Variants in PALMD observed in about 807,000 individuals in gnomAD.
PALMD encodes the protein paralemmin-like protein.
PALMD carries 42 observed loss-of-function variants against 56.2 expected under a neutral mutation model. The ratio of observed to expected loss-of-function variants is 0.75; its 90% CI spans 0.58 to 0.97. The LOEUF is 0.97. PALMD is among the 50% of genes least tolerant of loss of function. The pLI is 0.00. For synonymous variants in PALMD, 242 were observed against 222.9 expected (o/e 1.09, Z -0.76); for missense variants, 660 against 643.8 (o/e 1.03, Z -0.27).
At chr1:99,692,931 C>T (rs1653693732) in intron 7 of PALMD, among the ~76,000 whole-genome samples, 1 of 152,136 alleles carries the variant, frequency 6.6e-6, no homozygotes. Context: ...ACTGATCATC[C>T]CTGTTAAAGT....
chr1:99,687,789 A>C (rs1033760621), intron 6 of PALMD, among the ~76,000 whole-genome samples: 2 of 152,204 alleles, frequency 1.3e-5, no homozygotes, highest in Non-Finnish European at 2.9e-5. Context: ...TATTCACTAA[A>C]TATATCATGG....
chr1:99,646,117 C>T lies in PALMD; in HGVS notation c.-201C>T, dbSNP rs997427850. 5 of 580,516 alleles carry T rather than the reference C, an allele frequency of 8.6e-6. No homozygotes were observed. The African/African-American group carries it at 9.5e-5, about 11-fold the overall frequency. 36.0% of individuals were successfully genotyped at this position (580,516 alleles called of 1,614,324 possible). A position where few individuals can be genotyped will look rare whatever the true frequency, so the allele number is the denominator to read the frequency against. On this transcript the variant is annotated 5_prime_UTR_variant, in exon 1 of 8. Transcript: ENST00000263174. ...CTGCCTCCCCAGCACACCCTCATTACATGTGTCTGTCTGGCCTGATCTGTG... is the reference window on the plus strand; with the variant it reads ...CTGCCTCCCCAGCACACCCTCATTATATGTGTCTGTCTGGCCTGATCTGTG...
chr1:99,654,147 G>T (rs834987), intron 1 of PALMD, among the ~76,000 whole-genome samples: 1 of 152,134 alleles, frequency 6.6e-6, no homozygotes. Context: ...GATCAATCAC[G>T]TGACTTGAGA....
intron 2 of PALMD, among the ~76,000 whole-genome samples, chr1:99,663,377 G>C (rs1194111938): frequency 6.6e-6 from 1 of 151,950 alleles, no homozygotes; most frequent in Non-Finnish European, 1.5e-5. Flanking sequence ...GAATTTACAT[G>C]AGTAGTATAC....
chr1:99,674,219 A>AT (rs1260494678), intron 3 of PALMD, among the ~76,000 whole-genome samples: 1 of 152,062 alleles, frequency 6.6e-6, no homozygotes, highest in East Asian at 1.9e-4. Flanking sequence ...AATCTCATCT[A>AT]TATGTTAGTA....
intron 3 of PALMD, chr1:99,669,930 T>C (rs1376369077): frequency 6.6e-6 from 1 of 152,228 alleles, no homozygotes; most frequent in Non-Finnish European, 1.5e-5. Flanking sequence ...AGGGTAGGTA[T>C]TATTACCTTC....
intron 3 of PALMD, among the ~76,000 whole-genome samples, chr1:99,673,327 T>C (rs1653125978): frequency 6.6e-6 from 1 of 152,224 alleles, no homozygotes; most frequent in African/African-American, 2.4e-5. Context: ...GCAGGTCAAT[T>C]GTACCTTAAT....
At chr1:99,650,321 CT>C (rs1364540290) in intron 1 of PALMD, among the ~76,000 whole-genome samples, 12 of 128,104 alleles carry the variant, frequency 9.4e-5, no homozygotes, top group Admixed American at 1.5e-4. Context: ...AAAAAAAAAG[CT>C]CTCACATTTC....
chr1:99,669,010 T>C (rs567347783), intron 3 of PALMD: 3 of 152,204 alleles, frequency 2.0e-5, no homozygotes, highest in Admixed American at 6.6e-5. Flanking sequence ...ATGTATTGCC[T>C]TTAGTGAGGA....
intron 1 of PALMD, among the ~76,000 whole-genome samples, chr1:99,652,630 A>G (rs28433676): frequency 6.6e-6 from 1 of 150,644 alleles, no homozygotes; most frequent in African/African-American, 2.4e-5. Flanking sequence ...CAGAAAAGAG[A>G]AAAGGAAAGG....
intron 1 of PALMD, 51 bp downstream of exon 1, chr1:99,646,413 C>G: frequency 6.9e-7 from 1 of 1,441,550 alleles, no homozygotes; most frequent in Non-Finnish European, 9.8e-7. Context: ...TAGAGGAAGG[C>G]AGACCGTGGC....
chr1:99,668,019 T>G (rs1227116394), intron 3 of PALMD: 2 of 383,966 alleles, frequency 5.2e-6, no homozygotes, highest in Admixed American at 7.5e-5. Context: ...GCTAGGATGA[T>G]GGGCACCCAC....
At chr1:99,661,267 A>T (rs562032326) in intron 1 of PALMD, among the ~76,000 whole-genome samples, 2 of 152,336 alleles carry the variant, frequency 1.3e-5, no homozygotes, top group Admixed American at 6.5e-5. Context: ...CTGATCAAAA[A>T]TGAGGAAATA....
In PALMD at chr1:99,663,433, T is replaced by TA. The variant is rs573374790; in HGVS notation, c.126+1045dup. On this transcript the variant is annotated intron_variant, in intron 2 of 7. Transcript: ENST00000263174. ...GTACTCCTAGGAAATCAATGAAATT[T>TA]AAAAAAAAAAAGTTCCAAGTTGTTC... Among the ~76,000 whole-genome samples, 607 of 147,294 alleles carry TA rather than the reference T, an allele frequency of 4.1e-3. 3 individuals carry two copies. The highest frequency in any genetic ancestry group is 0.014 in the African/African-American group (544 of 40,286).
At chr1:99,687,830 G>C (rs1274461087) in intron 6 of PALMD, among the ~76,000 whole-genome samples, 1 of 152,162 alleles carries the variant, frequency 6.6e-6, no homozygotes, top group African/African-American at 2.4e-5. Context: ...ATAAAGCAGA[G>C]AAGCTGGACA....
chr1:99,685,057 T>A (rs1162108809), intron 3 of PALMD: 2 of 152,232 alleles, frequency 1.3e-5, no homozygotes, highest in African/African-American at 4.8e-5. Flanking sequence ...AAGAAAGACA[T>A]ACAGTATGTT....
chr1:99,691,905 T>C (rs1467075136), intron 7 of PALMD, among the ~76,000 whole-genome samples: 6 of 152,148 alleles, frequency 3.9e-5, no homozygotes, highest in Non-Finnish European at 8.8e-5. Context: ...GCAATTTTAA[T>C]TTGGAAAACA....
chr1:99,692,094 C>CCATTGCATGGCCCCAGCCAG (rs1265381658), intron 7 of PALMD, among the ~76,000 whole-genome samples: 4 of 152,202 alleles, frequency 2.6e-5, no homozygotes, highest in African/African-American at 9.7e-5. Context: ...GACACTTCCA[C>CCATTGCATGGCCCCAGCCAG]CATTGCATGG....
At chr1:99,662,534 G>T (rs1571063290) in intron 2 of PALMD, 135 bp downstream of exon 2, 2 of 648,574 alleles carry the variant, frequency 3.1e-6, no homozygotes, top group Admixed American at 6.2e-5. Flanking sequence ...AATAACCATA[G>T]GGGAGGCCAA....
Sources: gnomAD v4.1 joint callset for allele counts (sites outside exome capture counted in the v4.1 genomes callset) on GRCh38, gnomAD v4.1.1 for gene constraint, MANE v1.5 for transcripts, NCBI Gene and HGNC (gene_info 2026-07-23, HGNC 2026-07-21) for gene names.